Variants in BMX observed in about 807,000 individuals in gnomAD.
BMX encodes BMX non-receptor tyrosine kinase.
A neutral mutation model predicts 59.2 loss-of-function variants in BMX; 31 were observed. The ratio of observed to expected loss-of-function variants is 0.52; its 90% CI spans 0.39 to 0.71. BMX has a LOEUF of 0.71. Among genes scored for constraint, BMX ranks in the 30% least tolerant of loss-of-function variants. The pLI is 0.00. For synonymous variants in BMX, 185 were observed against 181.0 expected, an observed-to-expected ratio of 1.02 and a Z score of -0.18; for missense variants, 474 against 491.7, an observed-to-expected ratio of 0.96 and a Z score of 0.34.
chrX:15,553,520 T>C (rs1926293077), intron 18 of BMX, among the ~76,000 whole-genome samples: 1 of 112,013 alleles, frequency 8.9e-6, no homozygotes, highest in Admixed American at 9.5e-5. Context: ...AAGTTGTGTG[T>C]TGTCAGTAGG....
At chrX:15,512,358 T>TTTTAC (rs879506492) in intron 4 of BMX, among the ~76,000 whole-genome samples, 1 of 111,638 alleles carries the variant, frequency 9.0e-6, no homozygotes, top group African/African-American at 3.3e-5. Flanking sequence ...GAAGATTTTA[T>TTTTAC]TTTATTTTAT....
chrX:15,516,856 C>T (rs957292359), intron 5 of BMX, among the ~76,000 whole-genome samples: 1 of 110,492 alleles, frequency 9.1e-6, no homozygotes, highest in South Asian at 3.8e-4. Flanking sequence ...AGTTGTACTC[C>T]CAGGGAAACA....
intron 9 of BMX, among the ~76,000 whole-genome samples, chrX:15,528,646 A>G (rs1484615029): frequency 9.1e-6 from 1 of 109,894 alleles, no homozygotes; most frequent in Non-Finnish European, 1.9e-5. Flanking sequence ...TGACAGAGTG[A>G]GACCCTGTCA....
At chrX:15,530,632 C>T (rs928852528) in intron 10 of BMX, among the ~76,000 whole-genome samples, 4 of 111,923 alleles carry the variant, frequency 3.6e-5, no homozygotes, top group South Asian at 3.8e-4. Context: ...GATGATTTAT[C>T]GGAGGCCGTC....
intron 4 of BMX, among the ~76,000 whole-genome samples, chrX:15,513,363 T>C (rs1924033240): frequency 8.9e-6 from 1 of 111,983 alleles, no homozygotes; most frequent in African/African-American, 3.3e-5. Context: ...TGGCCATTGA[T>C]GTGTACAAAG....
intron 13 of BMX, 38 bp downstream of exon 13, chrX:15,536,465 C>T: frequency 1.9e-6 from 2 of 1,034,529 alleles, no homozygotes; most frequent in Non-Finnish European, 2.6e-6. Flanking sequence ...CTCCATTTTC[C>T]ATCATTTTTT....
At chrX:15,506,971 A>G (rs1923766173) in intron 1 of BMX, among the ~76,000 whole-genome samples, 1 of 113,147 alleles carries the variant, frequency 8.8e-6, no homozygotes, top group Admixed American at 9.3e-5. Flanking sequence ...ATTAATAAAT[A>G]ATCTTTTGTT....
intron 1 of BMX, among the ~76,000 whole-genome samples, chrX:15,506,083 G>A (rs1923729969): frequency 9.1e-6 from 1 of 110,441 alleles, no homozygotes; most frequent in Non-Finnish European, 1.9e-5. Flanking sequence ...CTAGAGACAG[G>A]ATCTCACTAT....
intron 1 of BMX, among the ~76,000 whole-genome samples, chrX:15,501,583 T>C (rs1183656440): frequency 8.9e-6 from 1 of 111,923 alleles, no homozygotes; most frequent in African/African-American, 3.3e-5. Flanking sequence ...ATGTAAGTGC[T>C]TCTCAAGCTT....
chrX:15,536,758 C>T (rs897144552), intron 13 of BMX, among the ~76,000 whole-genome samples: 7 of 110,695 alleles, frequency 6.3e-5, no homozygotes, highest in South Asian at 3.9e-4. Context: ...TGTGTTAGGA[C>T]GATCACATCC....
intron 9 of BMX, among the ~76,000 whole-genome samples, chrX:15,528,582 C>T (rs926463181): frequency 5.4e-5 from 6 of 110,408 alleles, no homozygotes; most frequent in Admixed American, 9.6e-5. Flanking sequence ...CACTTGAGCC[C>T]GGGAGGTCGA....
At chrX:15,526,502 A>G (rs1176452724) in intron 9 of BMX, among the ~76,000 whole-genome samples, 2 of 111,386 alleles carry the variant, frequency 1.8e-5, no homozygotes, top group African/African-American at 6.5e-5. Context: ...ATGATGCAGT[A>G]ATTTTACAGG....
chrX:15,547,149 A>G (rs747105803), intron 17 of BMX, among the ~76,000 whole-genome samples: 1 of 112,194 alleles, frequency 8.9e-6, no homozygotes, highest in South Asian at 3.7e-4. Context: ...GCACTTTCTC[A>G]TAAAATCAAA....
chrX:15,507,399 G>C (rs1242453842), intron 1 of BMX: 19 of 747,001 alleles, frequency 2.5e-5, no homozygotes, highest in Non-Finnish European at 3.0e-5. Flanking sequence ...TTCGGCTCTA[G>C]CGAGTCTAAG....
intron 4 of BMX, 60 bp downstream of exon 4, chrX:15,511,578 GT>G: frequency 1.0e-6 from 1 of 961,781 alleles, no homozygotes; most frequent in East Asian, 3.2e-5. Context: ...AAAGAGAGTC[GT>G]TTTTTGAGGC....
At chrX:15,507,105 T>C (rs1352251092) in intron 1 of BMX, among the ~76,000 whole-genome samples, 1 of 112,925 alleles carries the variant, frequency 8.9e-6, no homozygotes, top group Non-Finnish European at 1.9e-5. Context: ...TATTTCTTAG[T>C]CTCCCTTTCA....
chrX:15,505,499 T>C (rs1376867750), intron 1 of BMX, among the ~76,000 whole-genome samples: 1 of 111,994 alleles, frequency 8.9e-6, no homozygotes, highest in Non-Finnish European at 1.9e-5. Flanking sequence ...TTTGAGAAAA[T>C]AAGCATATGT....
At chrX:15,518,869 C>G (rs1255438880) in intron 6 of BMX, among the ~76,000 whole-genome samples, 1 of 111,767 alleles carries the variant, frequency 8.9e-6, no homozygotes, top group Admixed American at 9.5e-5. Context: ...AGGGCAGATC[C>G]ATATGTAGTT....
intron 4 of BMX, among the ~76,000 whole-genome samples, chrX:15,514,871 G>C (rs933937053): frequency 4.5e-5 from 5 of 111,032 alleles, no homozygotes; most frequent in Non-Finnish European, 9.4e-5. Context: ...TTTTGAATTG[G>C]ATCCTTGATC....
Sources: allele counts gnomAD v4.1 joint callset (sites outside exome capture counted in the v4.1 genomes callset), GRCh38; gene constraint gnomAD v4.1.1; transcripts MANE v1.5; gene names NCBI Gene and HGNC (gene_info 2026-07-23, HGNC 2026-07-21).